UPK1B: variants seen among roughly 807,000 people sequenced by gnomAD.
The protein encoded by UPK1B is uroplakin-1b.
A neutral mutation model predicts 34.2 loss-of-function variants in UPK1B; 28 were observed. The ratio of observed to expected loss-of-function variants is 0.82; its 90% CI spans 0.61 to 1.12. The LOEUF (loss-of-function observed/expected upper bound fraction) is 1.12, where lower values mean the gene tolerates loss of function less well. Among genes scored for constraint, UPK1B ranks in the 50% most tolerant of loss-of-function variants. The pLI, the probability that UPK1B is intolerant of heterozygous loss-of-function variation, is 0.00. For missense variants in UPK1B, 325 were observed against 320.9 expected (o/e 1.01, Z -0.10); for synonymous variants, 81 against 110.4 (o/e 0.73, Z 1.67).
chr3:119,177,003 G>C (rs1278973044), intron 1 of UPK1B, among the ~76,000 whole-genome samples: 1 of 152,142 alleles, frequency 6.6e-6, no homozygotes, highest in Non-Finnish European at 1.5e-5. Context: ...CCTTCTCATG[G>C]TGTCTTCCCT....
chr3:119,191,758 C>T (rs758202583), intron 5 of UPK1B, among the ~76,000 whole-genome samples: 8 of 152,148 alleles, frequency 5.3e-5, no homozygotes, highest in Non-Finnish European at 1.0e-4. Context: ...ATTTTCCTCC[C>T]ATATCCATGT....
At chr3:119,203,076 C>T (rs1411276600) in intron 7 of UPK1B, among the ~76,000 whole-genome samples, 1 of 152,094 alleles carries the variant, frequency 6.6e-6, no homozygotes, top group Admixed American at 6.5e-5. Context: ...GGCGTGGTGG[C>T]TCACGCCTGT....
Position 119,187,823 on chromosome 3 carries a change from C to T in UPK1B, c.118C>T (p.Gln40Ter), listed in dbSNP as rs778854192. ...GGAGTGCATCTTCTTTGTATCTGAC[C>T]AACACAGCCTCTACCCACTGCTTGA... ...TAECIFFVSD[Q>*]HSLYPLLEAT... is the part of the protein sequence containing the mutation. The change falls in exon 3 of 8, where the codon CAA (glutamine) becomes TAA (stop). Residue 40 changes from glutamine to a stop codon, truncating the protein, a stop_gained. Transcript: ENST00000264234. LOFTEE classifies it high-confidence loss of function. 4 of 1,613,822 alleles carry T rather than the reference C, an allele frequency of 2.5e-6. No individual in the cohort carries two copies. The highest frequency in any genetic ancestry group is 2.5e-6 in the Non-Finnish European group (3 of 1,180,000).
At chr3:119,179,386 TATATATATATATTAA>T (rs1275373507) in intron 1 of UPK1B, among the ~76,000 whole-genome samples, 1 of 88,234 alleles carries the variant, frequency 1.1e-5, no homozygotes, top group African/African-American at 4.8e-5. Flanking sequence ...TATATATATA[TATATATATATATTAA>T]TTCTAAGGAA....
Position 119,203,936 on chromosome 3 carries a change from C to A in UPK1B, c.752C>A (p.Thr251Asn). 1 of 1,614,000 alleles carries A rather than the reference C, an allele frequency of 6.2e-7. No individual in the cohort carries two copies. ...TTCCAGTTTTGGGTTCTCCTGGGTA[C>A]CATGTTCTACTGGAGCAGAATTGAA... ...LCWTFWVLLG[T>N]MFYWSRIEY The change falls in exon 8 of 8, where the codon ACC (threonine) becomes AAC (asparagine). Residue 251 changes from threonine to asparagine, a missense_variant. Transcript: ENST00000264234.
intron 7 of UPK1B, among the ~76,000 whole-genome samples, chr3:119,200,666 T>G (rs1239151012): frequency 6.6e-6 from 1 of 152,218 alleles, no homozygotes; most frequent in Non-Finnish European, 1.5e-5. Flanking sequence ...CGGTGACAAC[T>G]ACAAGTTTTC....
intron 5 of UPK1B, among the ~76,000 whole-genome samples, chr3:119,193,317 A>G (rs894384138): frequency 1.3e-5 from 2 of 152,256 alleles, no homozygotes; most frequent in Non-Finnish European, 1.5e-5. Context: ...TTCCCATAAC[A>G]TAGTGACAAA....
At chr3:119,189,167 C>A (rs550861303) in intron 3 of UPK1B, among the ~76,000 whole-genome samples, 1 of 152,180 alleles carries the variant, frequency 6.6e-6, no homozygotes, top group Non-Finnish European at 1.5e-5. Flanking sequence ...CTTTCTGGAG[C>A]GTCTTTACCA....
chr3:119,195,420 A>G (rs1200036285), intron 6 of UPK1B, among the ~76,000 whole-genome samples: 1 of 152,238 alleles, frequency 6.6e-6, no homozygotes, highest in Non-Finnish European at 1.5e-5. Context: ...ATTGAGGGAC[A>G]TGGCACTGTT....
intron 2 of UPK1B, 55 bp downstream of exon 2, chr3:119,186,865 G>A (rs2078021519): frequency 8.9e-6 from 14 of 1,568,874 alleles, no homozygotes; most frequent in Non-Finnish European, 1.1e-5. Flanking sequence ...CATAATTCTA[G>A]ATGAATCAAA....
intron 1 of UPK1B, among the ~76,000 whole-genome samples, chr3:119,175,762 A>G (rs574606907): frequency 2.0e-5 from 3 of 152,230 alleles, no homozygotes; most frequent in Non-Finnish European, 4.4e-5. Context: ...AATGTTCTAG[A>G]TAATAGACAC....
chr3:119,182,116 G>C (rs2077992433), intron 1 of UPK1B, among the ~76,000 whole-genome samples: 2 of 152,212 alleles, frequency 1.3e-5, no homozygotes, highest in South Asian at 4.1e-4. Flanking sequence ...CTTGGTACCT[G>C]ACTCTGGCCG....
At chr3:119,194,518 C>G in intron 6 of UPK1B, 120 bp downstream of exon 6, 1 of 952,210 alleles carries the variant, frequency 1.1e-6, no homozygotes, top group Non-Finnish European at 1.5e-6. Flanking sequence ...TTCCCTAAAC[C>G]TCATGTTAAC....
intron 1 of UPK1B, among the ~76,000 whole-genome samples, chr3:119,183,044 C>A (rs976671874): frequency 6.6e-6 from 1 of 152,154 alleles, no homozygotes; most frequent in African/African-American, 2.4e-5. Flanking sequence ...GTGTTTCTGA[C>A]CTTTGCAAAG....
chr3:119,183,710 G>A (rs1426663876), intron 1 of UPK1B, among the ~76,000 whole-genome samples: 3 of 152,138 alleles, frequency 2.0e-5, no homozygotes, highest in African/African-American at 4.8e-5. Context: ...TTTAAGCCAC[G>A]AAGTTCGTGG....
At chr3:119,183,173 T>G (rs1559900820) in intron 1 of UPK1B, among the ~76,000 whole-genome samples, 1 of 152,216 alleles carries the variant, frequency 6.6e-6, no homozygotes, top group Admixed American at 6.5e-5. Flanking sequence ...TAGCAAATGA[T>G]CTGGCGCCAG....
Position 119,186,917 on chromosome 3 carries a change from C to T in UPK1B, c.69+107C>T, listed in dbSNP as rs548227820. The T allele has an allele frequency of 2.5e-6, 3 of 1,176,922 alleles. No individual in the cohort carries two copies. In the African/African-American group the frequency reaches 4.7e-5, roughly 18 times the overall value. 72.9% of individuals were successfully genotyped at this position (1,176,922 alleles called of 1,614,324 possible). On this transcript the variant is annotated intron_variant, in intron 2 of 7. Transcript: ENST00000264234. ...AAAATAATGCTGTGATTACTGGCTT[C>T]CTATATTTTTGCTTCATTTTAAGAA...
intron 1 of UPK1B, among the ~76,000 whole-genome samples, chr3:119,178,612 A>G (rs1475889774): frequency 2.0e-5 from 3 of 152,242 alleles, no homozygotes; most frequent in Non-Finnish European, 2.9e-5. Context: ...GCCTAAATTC[A>G]TACCAAAAAC....
intron 7 of UPK1B, among the ~76,000 whole-genome samples, chr3:119,199,666 CTT>C (rs1559904557): frequency 6.6e-6 from 1 of 152,170 alleles, no homozygotes; most frequent in Non-Finnish European, 1.5e-5. Flanking sequence ...CATGGGGAAA[CTT>C]TTTTTAAAAA....
Sources: gnomAD v4.1 joint callset for allele counts (sites outside exome capture counted in the v4.1 genomes callset) on GRCh38, gnomAD v4.1.1 for gene constraint, MANE v1.5 for transcripts, NCBI Gene and HGNC (gene_info 2026-07-23, HGNC 2026-07-21) for gene names.